PACRG: variants seen among roughly 807,000 people sequenced by gnomAD.
The protein encoded by PACRG is parkin coregulated, also known as parkin coregulated gene protein.
Under a neutral mutation model 29.7 loss-of-function variants are expected in PACRG, and 29 were observed. The ratio of observed to expected loss-of-function variants is 0.98; its 90% CI spans 0.73 to 1.33. The LOEUF is 1.33. Among genes scored for constraint, PACRG ranks in the 40% most tolerant of loss-of-function variants. The pLI is 0.00. For synonymous variants in PACRG, 116 were observed against 118.7 expected (o/e 0.98, Z 0.15); for missense variants, 279 against 316.2 (o/e 0.88, Z 0.89).
intron 1 of PACRG, among the ~76,000 whole-genome samples, chr6:162,772,986 A>G (rs193251771): frequency 1.2e-3 from 189 of 151,858 alleles, no homozygotes; most frequent in African/African-American, 4.0e-3. Context: ...CAAGTATTAT[A>G]GAGACTATTG....
chr6:163,097,990 T>C (rs1011668358), intron 4 of PACRG, among the ~76,000 whole-genome samples: 6 of 152,206 alleles, frequency 3.9e-5, no homozygotes, highest in African/African-American at 9.6e-5. Flanking sequence ...TTTCAAAATA[T>C]GGCAAAGAAA....
intron 2 of PACRG, among the ~76,000 whole-genome samples, chr6:163,025,763 C>T (rs191381497): frequency 6.6e-6 from 1 of 152,230 alleles, no homozygotes; most frequent in African/African-American, 2.4e-5. Flanking sequence ...CTGGGGCCTG[C>T]AGTTCTTTCC....
At chr6:162,918,851 G>A (rs1796874318) in intron 2 of PACRG, among the ~76,000 whole-genome samples, 2 of 152,098 alleles carry the variant, frequency 1.3e-5, no homozygotes, top group African/African-American at 4.8e-5. Flanking sequence ...TTATAAAAGA[G>A]TAATTTTATT....
chr6:162,852,005 G>GAGGAAGGA lies in PACRG; in HGVS notation c.291+37750_291+37757dup, dbSNP rs749750362. On this transcript the variant is annotated intron_variant, in intron 2 of 4. Coordinates refer to ENST00000366888, the MANE Select transcript of PACRG (RefSeq NM_001080379.2). ...AAGAAAAGGGAGGGAGGGAGGGAGGGAGGAAGGAAGGAAGGAAGGAAGGAA... is the reference window on the plus strand; with the variant it reads ...AAGAAAAGGGAGGGAGGGAGGGAGGGAGGAAGGAAGGAAGGAAGGAAGGAAGGAAGGAA... 9.7e-3 allele frequency among the ~76,000 whole-genome samples: 1,129 copies of GAGGAAGGA among 116,080 alleles called. 33 individuals carry two copies. Among genetic ancestry groups the GAGGAAGGA allele is most frequent in the African/African-American group, 0.037 (1,076 of 29,280 alleles). 76.2% of individuals were successfully genotyped at this position (116,080 alleles called of 152,430 possible).
chr6:162,743,202 C>A (rs1780733381), intron 1 of PACRG, among the ~76,000 whole-genome samples: 1 of 152,088 alleles, frequency 6.6e-6, no homozygotes, highest in African/African-American at 2.4e-5. Context: ...CCTTTGCCCA[C>A]TTTAAAAAAT....
intron 1 of PACRG, among the ~76,000 whole-genome samples, chr6:162,812,775 A>G (rs904075345): frequency 6.6e-6 from 1 of 152,132 alleles, no homozygotes; most frequent in African/African-American, 2.4e-5. Context: ...ACATGTGGTT[A>G]TTTGATAATT....
chr6:162,861,424 A>G (rs1227820996), intron 2 of PACRG, among the ~76,000 whole-genome samples: 1 of 152,224 alleles, frequency 6.6e-6, no homozygotes, highest in African/African-American at 2.4e-5. Flanking sequence ...TTGATCTAGG[A>G]TCTGTTAGGA....
chr6:162,734,461 C>T (rs1213204317), intron 1 of PACRG, among the ~76,000 whole-genome samples: 1 of 152,034 alleles, frequency 6.6e-6, no homozygotes, highest in Non-Finnish European at 1.5e-5. Flanking sequence ...TTATATCAAA[C>T]ATCTTCCTAT....
intron 2 of PACRG, among the ~76,000 whole-genome samples, chr6:163,038,609 T>C (rs1000038127): frequency 1.3e-5 from 2 of 152,134 alleles, no homozygotes; most frequent in African/African-American, 2.4e-5. Context: ...AAATATGAGG[T>C]GGCCTCTGTC....
intron 1 of PACRG, among the ~76,000 whole-genome samples, chr6:162,752,578 A>T (rs558270745): frequency 6.6e-6 from 1 of 152,182 alleles, no homozygotes; most frequent in South Asian, 2.1e-4. Context: ...TAGGAAACCA[A>T]TGTTTCCCAA....
At chr6:163,135,128 C>T (rs946796426) in intron 4 of PACRG, among the ~76,000 whole-genome samples, 16 of 151,704 alleles carry the variant, frequency 1.1e-4, no homozygotes, top group African/African-American at 3.9e-4. Context: ...AACACGCTTT[C>T]TTATGCATCA....
chr6:163,114,149 C>T (rs1815856417), intron 4 of PACRG, among the ~76,000 whole-genome samples: 1 of 152,110 alleles, frequency 6.6e-6, no homozygotes, highest in African/African-American at 2.4e-5. Flanking sequence ...ACTTGGGTGG[C>T]TGAGGCACAA....
chr6:163,003,325 T>G (rs1161844831), intron 2 of PACRG, among the ~76,000 whole-genome samples: 5 of 152,206 alleles, frequency 3.3e-5, no homozygotes, highest in African/African-American at 1.2e-4. Flanking sequence ...AAGAATACCA[T>G]AAAGCTTGCT....
intron 4 of PACRG, among the ~76,000 whole-genome samples, chr6:163,285,528 T>G (rs1784369619): frequency 1.3e-5 from 2 of 152,190 alleles, no homozygotes; most frequent in South Asian, 4.1e-4. Flanking sequence ...AGCACAATCC[T>G]GACATCTTTA....
rs1783728120 is a variant in PACRG, at chr6:162,777,312, C to T, written c.157-36835C>T. The stretch of plus-strand genomic sequence containing the variant: ...GGCCTCTGCTGTGTTCCCTGTGGCA[C>T]CTTCGCAGACTGAGTGGCTTGGCAT... On this transcript the variant is annotated intron_variant, in intron 1 of 4. Transcript: ENST00000366888. This position sits in a 1 kb window ranked among gnomAD's most constrained non-coding sequence, Gnocchi z 4.0. 6.6e-6 allele frequency among the ~76,000 whole-genome samples: 1 copy of T among 152,188 alleles called. No homozygotes were observed. The highest frequency in any genetic ancestry group is 1.5e-5 in the Non-Finnish European group (1 of 68,034).
intron 4 of PACRG, among the ~76,000 whole-genome samples, chr6:163,126,380 CT>C (rs1404949070): frequency 1.3e-5 from 2 of 152,196 alleles, no homozygotes. Context: ...ATTAATCCCC[CT>C]AGATGAGCCT....
At chr6:162,888,723 T>A (rs1020503580) in intron 2 of PACRG, among the ~76,000 whole-genome samples, 1 of 152,146 alleles carries the variant, frequency 6.6e-6, no homozygotes, top group Non-Finnish European at 1.5e-5. Context: ...AGCATTTCCA[T>A]AGCAGTCATT....
chr6:162,947,623 T>TATATAATCATATATATATATATATAATC (rs1554313400), intron 2 of PACRG, among the ~76,000 whole-genome samples: 1 of 33,870 alleles, frequency 3.0e-5, no homozygotes, highest in African/African-American at 9.7e-5. Context: ...TATATATATA[T>TATATAATCATATATATATATATATAATC]ATATATATAT....
intron 4 of PACRG, among the ~76,000 whole-genome samples, chr6:163,172,571 A>C (rs1454877150): frequency 6.6e-6 from 1 of 152,220 alleles, no homozygotes; most frequent in Non-Finnish European, 1.5e-5. Flanking sequence ...TCTGGGAAGA[A>C]GAATGCAGCG....
Sources: allele counts gnomAD v4.1 joint callset (sites outside exome capture counted in the v4.1 genomes callset), GRCh38; gene constraint gnomAD v4.1.1; non-coding constraint Gnocchi (gnomAD v3.1); transcripts MANE v1.5; gene names NCBI Gene and HGNC (gene_info 2026-07-23, HGNC 2026-07-21).